The following PTGER3 variants were observed in gnomAD, a reference collection of about 807,000 sequenced individuals.
PTGER3 encodes the protein prostaglandin E2 receptor EP3 subtype.
A neutral mutation model predicts 34.7 loss-of-function variants in PTGER3; 22 were observed. That is an observed-to-expected ratio of 0.63 (90% CI 0.45 to 0.91). PTGER3 has a LOEUF of 0.91. Among genes scored for constraint, PTGER3 ranks in the 40% least tolerant of loss-of-function variants. PTGER3 has a pLI of 0.00. For missense variants in PTGER3, 468 were observed against 519.4 expected (o/e 0.90, Z 0.96); for synonymous variants, 241 against 230.1 (o/e 1.05, Z -0.43).
intron 4 of PTGER3, among the ~76,000 whole-genome samples, chr1:70,857,556 G>T (rs962026965): frequency 5.3e-5 from 8 of 150,658 alleles, no homozygotes; most frequent in African/African-American, 2.0e-4. Flanking sequence ...TTTATTTAGA[G>T]ACAGAGTCTC....
At chr1:71,026,028 C>G (rs10399706) in intron 1 of PTGER3, among the ~76,000 whole-genome samples, 1 of 151,942 alleles carries the variant, frequency 6.6e-6, no homozygotes, top group African/African-American at 2.4e-5. Flanking sequence ...TAAAATACCC[C>G]CCAGAATCTG....
intron 4 of PTGER3, chr1:70,865,763 A>G (rs1646028186): frequency 2.2e-6 from 3 of 1,367,378 alleles, no homozygotes; most frequent in Non-Finnish European, 2.9e-6. Flanking sequence ...GGACAAATCC[A>G]AGAACCAACG....
intron 4 of PTGER3, among the ~76,000 whole-genome samples, chr1:70,856,109 G>T (rs1395143319): frequency 6.6e-6 from 1 of 151,868 alleles, no homozygotes; most frequent in Admixed American, 6.6e-5. Context: ...CTCTGAAAGA[G>T]AAAAAAATGC....
chr1:70,915,842 G>T (rs1647163435), intron 4 of PTGER3, among the ~76,000 whole-genome samples: 1 of 151,622 alleles, frequency 6.6e-6, no homozygotes, highest in South Asian at 2.1e-4. Flanking sequence ...AAAAATTTTT[G>T]GCTAAATCCC....
At chr1:70,901,573 T>A (rs1446698833) in intron 4 of PTGER3, among the ~76,000 whole-genome samples, 1 of 152,200 alleles carries the variant, frequency 6.6e-6, no homozygotes, top group Non-Finnish European at 1.5e-5. Flanking sequence ...TGCCAGATGC[T>A]GCACTGGCAC....
intron 4 of PTGER3, among the ~76,000 whole-genome samples, chr1:70,915,484 T>G (rs891871849): frequency 6.6e-6 from 1 of 151,914 alleles, no homozygotes; most frequent in Non-Finnish European, 1.5e-5. Flanking sequence ...AGCATACTGG[T>G]TAAGGTCACT....
chr1:70,999,731 T>C (rs1485080774), intron 2 of PTGER3, among the ~76,000 whole-genome samples: 1 of 151,692 alleles, frequency 6.6e-6, no homozygotes, highest in Non-Finnish European at 1.5e-5. Context: ...AAAGGAAAAA[T>C]AAAAAAAGAG....
At chr1:70,880,212 G>C (rs1036425748) in intron 4 of PTGER3, among the ~76,000 whole-genome samples, 4 of 152,082 alleles carry the variant, frequency 2.6e-5, no homozygotes. Flanking sequence ...GTGTGCTTTT[G>C]TGGTGGCTGG....
chr1:70,880,070 G>A (rs1402603561), intron 4 of PTGER3, among the ~76,000 whole-genome samples: 2 of 151,876 alleles, frequency 1.3e-5, no homozygotes, highest in Admixed American at 6.6e-5. Flanking sequence ...TCAGCCTGGT[G>A]ACAGTGAGAT....
chr1:70,974,673 G>A (rs1422362186), intron 2 of PTGER3, among the ~76,000 whole-genome samples: 2 of 152,126 alleles, frequency 1.3e-5, no homozygotes, highest in Non-Finnish European at 2.9e-5. Context: ...TTGACCTCAA[G>A]TGATTGGTGA....
chr1:70,852,883 G>T, intron 4 of PTGER3: 1 of 1,609,698 alleles, frequency 6.2e-7, no homozygotes, highest in Non-Finnish European at 8.5e-7. Context: ...AAATCAATTA[G>T]GATAGCCAAT....
chr1:70,879,204 A>G (rs1646334568), intron 4 of PTGER3, among the ~76,000 whole-genome samples: 1 of 150,832 alleles, frequency 6.6e-6, no homozygotes, highest in Non-Finnish European at 1.5e-5. Context: ...GTTGGATTGA[A>G]CTCTTTGTAA....
At chr1:70,905,174 C>T (rs527745886) in intron 4 of PTGER3, among the ~76,000 whole-genome samples, 103 of 152,210 alleles carry the variant, frequency 6.8e-4, no homozygotes, top group African/African-American at 2.4e-3. Context: ...GAACCTCTGC[C>T]TAGATTTCAG....
At chr1:70,939,388 A>T (rs183402009) in intron 4 of PTGER3, among the ~76,000 whole-genome samples, 2 of 152,104 alleles carry the variant, frequency 1.3e-5, no homozygotes, top group African/African-American at 2.4e-5. Context: ...GTGGATCTAC[A>T]GTTCTGGGGT....
intron 2 of PTGER3, among the ~76,000 whole-genome samples, chr1:70,995,318 T>A (rs1392510361): frequency 2.6e-5 from 4 of 152,072 alleles, no homozygotes; most frequent in African/African-American, 9.7e-5. Context: ...TAGATTGGGA[T>A]TGGTTTACTG....
chr1:70,913,778 C>T (rs148856191), intron 4 of PTGER3, among the ~76,000 whole-genome samples: 1 of 151,646 alleles, frequency 6.6e-6, no homozygotes, highest in African/African-American at 2.4e-5. Context: ...TGATGAAGTA[C>T]CTTGATTTTT....
intron 4 of PTGER3, among the ~76,000 whole-genome samples, chr1:70,919,656 C>T (rs1055659476): frequency 3.3e-5 from 5 of 151,986 alleles, no homozygotes; most frequent in African/African-American, 4.8e-5. Context: ...CTGCTTCTCC[C>T]GAAGAAAAAT....
chr1:71,025,588 C>CA (rs1658856804), intron 1 of PTGER3, among the ~76,000 whole-genome samples: 1 of 151,944 alleles, frequency 6.6e-6, no homozygotes, highest in Non-Finnish European at 1.5e-5. Flanking sequence ...AGAAGTTTTG[C>CA]CCAAAAATAT....
intron 2 of PTGER3, among the ~76,000 whole-genome samples, chr1:70,994,288 A>G (rs1655731571): frequency 6.6e-6 from 1 of 152,150 alleles, no homozygotes; most frequent in Admixed American, 6.5e-5. Flanking sequence ...ATTCTCTCCA[A>G]TGGTGACACC....
Sources: gnomAD v4.1 joint callset for allele counts (sites outside exome capture counted in the v4.1 genomes callset) on GRCh38, gnomAD v4.1.1 for gene constraint, MANE v1.5 for transcripts, NCBI Gene and HGNC (gene_info 2026-07-23, HGNC 2026-07-21) for gene names.